Variants in PLCE1 observed in about 807,000 individuals in gnomAD.
The protein encoded by PLCE1 is 1-phosphatidylinositol 4,5-bisphosphate phosphodiesterase epsilon-1.
A neutral mutation model predicts 242.8 loss-of-function variants in PLCE1; 119 were observed. The observed-to-expected ratio is 0.49, with a 90% confidence interval of 0.42 to 0.57. The LOEUF is 0.57. PLCE1 is among the 20% of genes least tolerant of loss of function. The pLI is 0.00. For missense variants in PLCE1, 2,441 were observed against 2,788.8 expected (o/e 0.88, Z 2.81); for synonymous variants, 945 against 1,017.4 (o/e 0.93, Z 1.35).
rs781551456 is a variant in PLCE1, at chr10:94,254,275, A to G, written c.3365A>G (p.Asp1122Gly). The G allele has an allele frequency of 1.9e-6, 3 of 1,613,686 alleles. No individual in the cohort carries two copies. The African/African-American group carries it at 4.0e-5, about 22-fold the overall frequency. The stretch of plus-strand genomic sequence containing the variant: ...GAGTGTCGAAGCCGGAGTGGTTCTG[A>G]TCCTCAAGACATTAATGAACAAGAA... ...HKECRSRSGS[D>G]PQDINEQEES... is the part of the protein sequence containing the mutation. The change falls in exon 10 of 33, where the codon GAT becomes GGT. Residue 1122 changes from aspartate to glycine, a missense_variant. Physicochemically the swap from Asp to Gly is moderately conservative, Grantham distance 94 (BLOSUM62 -1). Transcript: ENST00000371380.
chr10:94,204,786 G>C (rs1173363122), intron 4 of PLCE1, among the ~76,000 whole-genome samples: 1 of 138,738 alleles, frequency 7.2e-6, no homozygotes, highest in Non-Finnish European at 1.6e-5. Context: ...AAGGAAGGAA[G>C]GAAGGAAGGA....
chr10:94,132,608 G>A, intron 3 of PLCE1, 149 bp downstream of exon 3: 1 of 770,504 alleles, frequency 1.3e-6, no homozygotes. Flanking sequence ...ATAAAAAGGT[G>A]GTCCCTTATT....
At chr10:94,153,816 A>G (rs533495904) in intron 3 of PLCE1, among the ~76,000 whole-genome samples, 9 of 152,352 alleles carry the variant, frequency 5.9e-5, no homozygotes, top group Non-Finnish European at 2.9e-5. Flanking sequence ...AAATTTAACA[A>G]AAAAAGTGCA....
At chr10:94,038,762 A>G (rs1384494455) in intron 2 of PLCE1, among the ~76,000 whole-genome samples, 1 of 152,118 alleles carries the variant, frequency 6.6e-6, no homozygotes, top group Non-Finnish European at 1.5e-5. Context: ...CAGTTAAGGT[A>G]TACAATTCAG....
chr10:94,141,568 GCT>G (rs1564727197), intron 3 of PLCE1, among the ~76,000 whole-genome samples: 1,443 of 135,240 alleles, frequency 0.011, 140 homozygotes, highest in African/African-American at 0.039. Context: ...TGAAGGGAAG[GCT>G]AAGGGAAGGT....
intron 3 of PLCE1, among the ~76,000 whole-genome samples, chr10:94,167,418 A>G (rs952666133): frequency 1.3e-5 from 2 of 152,120 alleles, no homozygotes; most frequent in African/African-American, 4.8e-5. Context: ...GTCCTTTCCT[A>G]GGGTGTTCCA....
At chr10:94,089,258 T>C in intron 2 of PLCE1, 1 of 1,614,054 alleles carries the variant, frequency 6.2e-7, no homozygotes, top group Non-Finnish European at 8.5e-7. Flanking sequence ...GGCTGTCAGC[T>C]GTGGCTTTGC....
chr10:94,256,284 A>G (rs1469724085), intron 11 of PLCE1, among the ~76,000 whole-genome samples: 1 of 146,450 alleles, frequency 6.8e-6, no homozygotes, highest in African/African-American at 2.6e-5. Context: ...TAATCATGCC[A>G]TTGCGCTCCA....
chr10:94,116,045 C>T (rs564316755), intron 2 of PLCE1, among the ~76,000 whole-genome samples: 9 of 152,240 alleles, frequency 5.9e-5, no homozygotes, highest in South Asian at 4.2e-4. Context: ...GGGAGAACAG[C>T]GGGCATCTCC....
At chr10:94,107,342 C>A (rs890527971) in intron 2 of PLCE1, among the ~76,000 whole-genome samples, 6 of 152,086 alleles carry the variant, frequency 3.9e-5, no homozygotes, top group Non-Finnish European at 7.3e-5. Context: ...ATGCCACCCC[C>A]CTTGCTTGGT....
At chr10:94,190,415 C>A (rs956455194) in intron 4 of PLCE1, among the ~76,000 whole-genome samples, 1 of 152,132 alleles carries the variant, frequency 6.6e-6, no homozygotes, top group Non-Finnish European at 1.5e-5. Flanking sequence ...TTAAGACCAG[C>A]CTGGGAAAAA....
intron 1 of PLCE1, among the ~76,000 whole-genome samples, chr10:93,995,788 T>C (rs2060808025): frequency 6.6e-6 from 1 of 152,232 alleles, no homozygotes; most frequent in South Asian, 2.1e-4. Context: ...GTCCTCTTAG[T>C]AACATAAACT....
At chr10:94,088,155 G>A (rs2044907618) in intron 2 of PLCE1, 1 of 152,218 alleles carries the variant, frequency 6.6e-6, no homozygotes, top group South Asian at 2.1e-4. Flanking sequence ...ATCTCTCTGA[G>A]CTTCACCTTC....
In PLCE1 at chr10:94,079,073, T is replaced by G. The variant is rs542853751; in HGVS notation, c.1206+46821T>G. On this transcript the variant is annotated intron_variant, in intron 2 of 32. Transcript: ENST00000371380. ...CAGAGTTTTAATATTTCTATTAAAC[T>G]GTAATTAAATTAATTAAATTGTAAT... 1.2e-3 allele frequency among the ~76,000 whole-genome samples: 185 copies of G among 152,314 alleles called. 2 individuals carry two copies. Among genetic ancestry groups the G allele is most frequent in the Middle Eastern group, 0.01 (3 of 294 alleles).
At chr10:94,163,546 G>A (rs942379267) in intron 3 of PLCE1, among the ~76,000 whole-genome samples, 1 of 151,994 alleles carries the variant, frequency 6.6e-6, no homozygotes, top group African/African-American at 2.4e-5. Flanking sequence ...GAGCCTATGT[G>A]TGTCTCTGCA....
intron 1 of PLCE1, among the ~76,000 whole-genome samples, chr10:94,001,553 A>G (rs1481560977): frequency 6.6e-6 from 1 of 152,210 alleles, no homozygotes; most frequent in Non-Finnish European, 1.5e-5. Context: ...TTTAAACTAT[A>G]TAATATTACT....
intron 3 of PLCE1, among the ~76,000 whole-genome samples, chr10:94,142,805 T>G (rs2047009938): frequency 1.3e-5 from 2 of 152,210 alleles, no homozygotes; most frequent in Non-Finnish European, 2.9e-5. Context: ...CTGGGACACC[T>G]AAGGGGAGGT....
At chr10:94,154,450 CA>C (rs1177454579) in intron 3 of PLCE1, among the ~76,000 whole-genome samples, 1 of 151,748 alleles carries the variant, frequency 6.6e-6, no homozygotes, top group Non-Finnish European at 1.5e-5. Flanking sequence ...AGGTAACAAA[CA>C]AAAAAATAGA....
chr10:94,291,201 C>A (rs552770603), intron 22 of PLCE1, among the ~76,000 whole-genome samples: 1 of 152,160 alleles, frequency 6.6e-6, no homozygotes, highest in African/African-American at 2.4e-5. Context: ...GTTGCCCAGG[C>A]TGGCCTCAAA....
Sources: gnomAD v4.1 joint callset for allele counts (sites outside exome capture counted in the v4.1 genomes callset) on GRCh38, gnomAD v4.1.1 for gene constraint, MANE v1.5 for transcripts, NCBI Gene and HGNC (gene_info 2026-07-23, HGNC 2026-07-21) for gene names.